Variants in SMYD1 observed in about 807,000 individuals in gnomAD.
The protein encoded by SMYD1 is histone-lysine N-methyltransferase SMYD1.
Under a neutral mutation model 54.0 loss-of-function variants are expected in SMYD1, and 49 were observed. The ratio of observed to expected loss-of-function variants is 0.91; its 90% CI spans 0.72 to 1.15. The LOEUF (loss-of-function observed/expected upper bound fraction) is 1.15, where lower values mean the gene tolerates loss of function less well. Among genes scored for constraint, SMYD1 ranks in the 50% most tolerant of loss-of-function variants. The pLI is 0.00. For synonymous variants in SMYD1, 269 were observed against 234.2 expected (o/e 1.15, Z -1.36); for missense variants, 653 against 639.6 (o/e 1.02, Z -0.23).
At chr2:88,074,605 C>A (rs1482816848) in intron 1 of SMYD1, among the ~76,000 whole-genome samples, 2 of 152,106 alleles carry the variant, frequency 1.3e-5, no homozygotes, top group Non-Finnish European at 2.9e-5. Flanking sequence ...CTAGATTGAT[C>A]CAATTCATCA....
intron 1 of SMYD1, among the ~76,000 whole-genome samples, chr2:88,069,907 T>A (rs1673909018): frequency 6.6e-6 from 1 of 152,220 alleles, no homozygotes; most frequent in South Asian, 2.1e-4. Flanking sequence ...CTTCTTCTAT[T>A]ACCTGCTGAT....
At chr2:88,079,392 C>A (rs1221180941) in intron 1 of SMYD1, among the ~76,000 whole-genome samples, 2 of 152,160 alleles carry the variant, frequency 1.3e-5, no homozygotes, top group Non-Finnish European at 2.9e-5. Flanking sequence ...AGCTTGGAGG[C>A]AAATGCCAGG....
chr2:88,096,915 G>A, intron 6 of SMYD1, 131 bp downstream of exon 6: 4 of 899,940 alleles, frequency 4.4e-6, no homozygotes, highest in Non-Finnish European at 4.9e-6. Context: ...TGGGGAGGAG[G>A]CAGGGCATGA....
intron 1 of SMYD1, among the ~76,000 whole-genome samples, chr2:88,069,542 G>A (rs764323647): frequency 5.3e-5 from 8 of 152,168 alleles, no homozygotes; most frequent in East Asian, 1.9e-4. Flanking sequence ...TAATTCTGGC[G>A]CTGCCAGTGA....
At chr2:88,103,205 T>G in intron 7 of SMYD1, 55 bp downstream of exon 7, 1 of 1,442,002 alleles carries the variant, frequency 6.9e-7, no homozygotes, top group Non-Finnish European at 9.6e-7. Flanking sequence ...GGAAACATTC[T>G]CCAGTAAGGG....
At chr2:88,068,048 G>A in intron 1 of SMYD1, 47 bp downstream of exon 1, 1 of 1,579,040 alleles carries the variant, frequency 6.3e-7, no homozygotes, top group Non-Finnish European at 8.6e-7. Flanking sequence ...TTTGGCTGGG[G>A]CCAAACTCTA....
chr2:88,083,462 C>T (rs937927222), intron 1 of SMYD1, among the ~76,000 whole-genome samples: 1 of 152,096 alleles, frequency 6.6e-6, no homozygotes, highest in Non-Finnish European at 1.5e-5. Flanking sequence ...ACCTCTCTCC[C>T]TCACCCATCG....
chr2:88,073,052 A>G (rs1481530235), intron 1 of SMYD1, among the ~76,000 whole-genome samples: 1 of 151,696 alleles, frequency 6.6e-6, no homozygotes. Flanking sequence ...TCAATTCTTC[A>G]CCCTCTCCCT....
At chr2:88,109,493 G>T (rs1021984746) in intron 9 of SMYD1, among the ~76,000 whole-genome samples, 2 of 152,202 alleles carry the variant, frequency 1.3e-5, no homozygotes, top group Admixed American at 1.3e-4. Context: ...GTCAATGTGT[G>T]AAATGCACTT....
chr2:88,110,580 T>C lies in SMYD1; in HGVS notation c.*68T>C. The C allele has an allele frequency of 6.9e-7, 1 of 1,458,950 alleles. No individual in the cohort carries two copies. The highest frequency in any genetic ancestry group is 9.1e-7 in the Non-Finnish European group (1 of 1,097,656). The allele number at this position is 1,458,950 out of a possible 1,614,324, so 90.4% of individuals were successfully genotyped here. On this transcript the variant is annotated 3_prime_UTR_variant, in exon 10 of 10. Coordinates refer to ENST00000419482, the MANE Select transcript of SMYD1 (RefSeq NM_198274.4). ...GGAGAGACTCTGGAGGTGGTGGGTC[T>C]CTCGGGAGACCCCTAATGAGGAAGT...
At chr2:88,108,303 A>G (rs1233950748) in intron 8 of SMYD1, 68 bp from the exon 9 acceptor site, 8 of 1,420,934 alleles carry the variant, frequency 5.6e-6, no homozygotes, top group African/African-American at 2.9e-5. Context: ...CACTTTATAC[A>G]TTATTAAATT....
At chr2:88,076,492 G>T (rs898444739) in intron 1 of SMYD1, among the ~76,000 whole-genome samples, 1 of 152,096 alleles carries the variant, frequency 6.6e-6, no homozygotes, top group African/African-American at 2.4e-5. Flanking sequence ...CAAAGTGCTG[G>T]GATTACAGAC....
intron 8 of SMYD1, 90 bp from the exon 9 acceptor site, chr2:88,108,281 A>C (rs1006194957): frequency 7.7e-7 from 1 of 1,305,304 alleles, no homozygotes; most frequent in Non-Finnish European, 1.0e-6. Context: ...AGATGGGCTT[A>C]ATCAACAAGG....
Position 88,112,258 on chromosome 2 carries a change from T to C in SMYD1, c.*1746T>C, listed in dbSNP as rs1454258654. The C allele has an allele frequency of 8.9e-6, 6 of 675,494 alleles. No homozygotes were observed. In the African/African-American group the frequency reaches 1.1e-4, roughly 12 times the overall value. 41.8% of individuals were successfully genotyped at this position (675,494 alleles called of 1,614,324 possible). ...CAAACCTTTTTCCCTTCTTTGTCAT[T>C]GTTATCTGCTAAGCCCCTGGTCATT... On this transcript the variant is annotated 3_prime_UTR_variant, in exon 10 of 10. Transcript: ENST00000419482.
At chr2:88,071,106 T>C (rs1673938632) in intron 1 of SMYD1, among the ~76,000 whole-genome samples, 1 of 152,230 alleles carries the variant, frequency 6.6e-6, no homozygotes, top group Non-Finnish European at 1.5e-5. Context: ...TGTTTATTAT[T>C]CATCTGTATG....
At chr2:88,070,885 A>G (rs1215431402) in intron 1 of SMYD1, among the ~76,000 whole-genome samples, 3 of 148,038 alleles carry the variant, frequency 2.0e-5, no homozygotes, top group Non-Finnish European at 4.5e-5. Context: ...AGAGGTTGCA[A>G]TGAGCCAAGA....
At chr2:88,088,998 G>A (rs1294558903) in intron 3 of SMYD1, among the ~76,000 whole-genome samples, 1 of 152,168 alleles carries the variant, frequency 6.6e-6, no homozygotes, top group Non-Finnish European at 1.5e-5. Context: ...ACATCACACT[G>A]ACATCTCTCC....
intron 1 of SMYD1, among the ~76,000 whole-genome samples, chr2:88,069,214 C>A (rs934993211): frequency 6.6e-6 from 1 of 152,106 alleles, no homozygotes; most frequent in Non-Finnish European, 1.5e-5. Context: ...AGTCTGATAA[C>A]CTAGGCTTTG....
At chr2:88,069,856 T>C (rs1673908105) in intron 1 of SMYD1, among the ~76,000 whole-genome samples, 1 of 152,240 alleles carries the variant, frequency 6.6e-6, no homozygotes, top group Non-Finnish European at 1.5e-5. Flanking sequence ...TCTTCTGTGC[T>C]ATTATACACT....
Sources: allele counts gnomAD v4.1 joint callset (sites outside exome capture counted in the v4.1 genomes callset), GRCh38; gene constraint gnomAD v4.1.1; transcripts MANE v1.5; gene names NCBI Gene and HGNC (gene_info 2026-07-23, HGNC 2026-07-21).